SCN11A: variants seen among roughly 807,000 people sequenced by gnomAD.
SCN11A encodes the protein sodium channel protein type 11 subunit alpha.
SCN11A carries 122 observed loss-of-function variants against 162.2 expected under a neutral mutation model. The observed-to-expected ratio is 0.75, with a 90% confidence interval of 0.65 to 0.87. SCN11A has a LOEUF of 0.87. Ranked by LOEUF, SCN11A falls within the 40% of genes least tolerant of loss-of-function variation. The pLI is 0.00. For missense variants in SCN11A, 2,015 were observed against 2,181.6 expected (o/e 0.92, Z 1.52); for synonymous variants, 758 against 751.5 (o/e 1.01, Z -0.14).
At chr3:38,913,868 A>T (rs1488229983) in intron 11 of SCN11A, among the ~76,000 whole-genome samples, 4 of 152,146 alleles carry the variant, frequency 2.6e-5, no homozygotes, top group Non-Finnish European at 4.4e-5. Flanking sequence ...TTTTTGTATC[A>T]GTACCATGCT....
intron 26 of SCN11A, among the ~76,000 whole-genome samples, chr3:38,868,362 C>T (rs991176911): frequency 2.6e-5 from 4 of 152,198 alleles, no homozygotes; most frequent in African/African-American, 7.2e-5. Context: ...TTGCTTGAGG[C>T]ATCCATTTAT....
intron 3 of SCN11A, among the ~76,000 whole-genome samples, chr3:38,958,657 T>C (rs1470777031): frequency 6.6e-6 from 1 of 152,216 alleles, no homozygotes; most frequent in Non-Finnish European, 1.5e-5. Flanking sequence ...CTCTTTGCAG[T>C]AGTCTTTTTG....
chr3:38,901,766 C>T (rs2065704278), intron 16 of SCN11A, among the ~76,000 whole-genome samples: 2 of 152,070 alleles, frequency 1.3e-5, no homozygotes, highest in Non-Finnish European at 2.9e-5. Flanking sequence ...TATTGTATGT[C>T]CAGGGAGTAG....
chr3:39,022,588 C>T (rs1355465603), intron 2 of SCN11A, among the ~76,000 whole-genome samples: 1 of 152,082 alleles, frequency 6.6e-6, no homozygotes, highest in African/African-American at 2.4e-5. Flanking sequence ...CTGAGTTAAA[C>T]ACAGTTTTTC....
At chr3:38,969,145 G>A (rs1000858938) in intron 2 of SCN11A, among the ~76,000 whole-genome samples, 2 of 152,212 alleles carry the variant, frequency 1.3e-5, no homozygotes, top group Admixed American at 1.3e-4. Context: ...CAGGCAGGCA[G>A]GCAGGCAGGC....
chr3:38,957,612 C>G (rs1437719967), intron 3 of SCN11A, among the ~76,000 whole-genome samples: 1 of 152,210 alleles, frequency 6.6e-6, no homozygotes, highest in Non-Finnish European at 1.5e-5. Context: ...AGGGGCCAGT[C>G]TTGCAGGGTG....
rs1559531816 is a variant in SCN11A at position 38,919,944 on chromosome 3, A to G, written c.950T>C (p.Met317Thr). The G allele has an allele frequency of 3.7e-6, 6 of 1,612,862 alleles. No individual in the cohort carries two copies. The highest frequency in any genetic ancestry group is 5.1e-6 in the Non-Finnish European group (6 of 1,178,964). ...SPEFKMCGIWMGNSACSIQYE... is the reference protein window; with the variant it reads ...SPEFKMCGIWTGNSACSIQYE... ...ATTATAAACCTCTTACCTGTTACCC[A>G]TCCAGATGCCACACATTTTGAATTC... is the stretch of plus-strand genomic sequence containing the variant. The change falls in exon 11 of 30, where the codon ATG becomes ACG. Residue 317 changes from methionine (M) to threonine (T), a missense_variant. By Grantham distance (81) the Met-to-Thr change is moderately conservative. Transcript: ENST00000302328.
chr3:38,929,536 C>T (rs192949538), intron 7 of SCN11A, among the ~76,000 whole-genome samples: 35 of 152,250 alleles, frequency 2.3e-4, no homozygotes, highest in Middle Eastern at 3.4e-3. Context: ...ATAGTTAAGA[C>T]GGTATCTTTT....
At chr3:38,990,581 T>C (rs1381595692) in intron 2 of SCN11A, among the ~76,000 whole-genome samples, 1 of 152,090 alleles carries the variant, frequency 6.6e-6, no homozygotes, top group Non-Finnish European at 1.5e-5. Context: ...GGTTTCCTAC[T>C]AGGAAGGAAA....
intron 7 of SCN11A, among the ~76,000 whole-genome samples, chr3:38,940,067 T>C (rs866256335): frequency 1.3e-5 from 2 of 150,118 alleles, no homozygotes; most frequent in South Asian, 4.1e-4. Flanking sequence ...CATATATATA[T>C]ATATATATAG....
chr3:38,970,809 A>G (rs1206184588), intron 2 of SCN11A, among the ~76,000 whole-genome samples: 1 of 152,222 alleles, frequency 6.6e-6, no homozygotes, highest in African/African-American at 2.4e-5. Context: ...CACCCTGACC[A>G]TGAAGGCTTC....
chr3:38,891,771 CA>C (rs2065503887), intron 19 of SCN11A, among the ~76,000 whole-genome samples: 1 of 152,132 alleles, frequency 6.6e-6, no homozygotes, highest in African/African-American at 2.4e-5. Flanking sequence ...AAACTACTCC[CA>C]CAATAACAGC....
chr3:39,039,781 C>T (rs1430084604), intron 1 of SCN11A, among the ~76,000 whole-genome samples: 2 of 152,056 alleles, frequency 1.3e-5, no homozygotes, highest in Non-Finnish European at 2.9e-5. Context: ...GATCAGCCCA[C>T]CTAGAGGCTG....
intron 4 of SCN11A, chr3:38,950,592 C>T (rs1020998632): frequency 7.7e-5 from 41 of 532,946 alleles, no homozygotes; most frequent in Non-Finnish European, 1.2e-4. Flanking sequence ...CAAAGCAGGG[C>T]ATCATTCCTG....
At chr3:38,971,095 C>T (rs2066814082) in intron 2 of SCN11A, among the ~76,000 whole-genome samples, 2 of 152,148 alleles carry the variant, frequency 1.3e-5, no homozygotes, top group Non-Finnish European at 2.9e-5. Context: ...TCCCTGAGAG[C>T]TCAGCTGTGC....
intron 9 of SCN11A, among the ~76,000 whole-genome samples, chr3:38,924,848 C>T (rs1559535336): frequency 6.6e-6 from 1 of 152,006 alleles, no homozygotes; most frequent in Non-Finnish European, 1.5e-5. Context: ...CCTGGCCTCT[C>T]ACCCTCTCCT....
At chr3:38,898,721 A>C (rs750913200) in intron 17 of SCN11A, among the ~76,000 whole-genome samples, 1 of 152,100 alleles carries the variant, frequency 6.6e-6, no homozygotes, top group Non-Finnish European at 1.5e-5. Context: ...TGACGGTTTT[A>C]CTCCAAAGTA....
intron 2 of SCN11A, among the ~76,000 whole-genome samples, chr3:38,976,093 T>C (rs1004444419): frequency 2.0e-5 from 3 of 152,206 alleles, no homozygotes; most frequent in Non-Finnish European, 4.4e-5. Context: ...ATAGTATAAA[T>C]ATATTTTAAT....
Position 38,932,333 on chromosome 3 carries a change from C to T in SCN11A, c.489-5402G>A, listed in dbSNP as rs7639302. On this transcript the variant is annotated intron_variant, in intron 7 of 29. Coordinates refer to ENST00000302328, the MANE Select transcript of SCN11A (RefSeq NM_001349253.2). ...ATTTCTGCATTTCCATCTGAGGTAA[C>T]GGGTTCATCTCACTAGGGAGTGCCA... 4.8e-3 allele frequency among the ~76,000 whole-genome samples: 725 copies of T among 152,314 alleles called. 2 individuals carry two copies. The highest frequency in any genetic ancestry group is 6.8e-3 in the Middle Eastern group (2 of 294).
Sources: allele counts gnomAD v4.1 joint callset (sites outside exome capture counted in the v4.1 genomes callset), GRCh38; gene constraint gnomAD v4.1.1; transcripts MANE v1.5; gene names NCBI Gene and HGNC (gene_info 2026-07-23, HGNC 2026-07-21).